The following ANKRD11 variants were observed in gnomAD, a reference collection of about 807,000 sequenced individuals.
ANKRD11 encodes ankyrin repeat domain 11.
In ANKRD11, 17 loss-of-function variants were observed where a neutral mutation model predicts 195.7. That is an observed-to-expected ratio of 0.09 (90% CI 0.06 to 0.13). ANKRD11 has a LOEUF of 0.13. Among genes scored for constraint, ANKRD11 ranks in the 10% least tolerant of loss-of-function variants. The pLI is 1.00. For synonymous variants in ANKRD11, 1,953 were observed against 1,528.1 expected (o/e 1.28, Z -6.49); for missense variants, 3,735 against 3,566.1 (o/e 1.05, Z -1.21).
At chr16:89,379,116 T>C (rs1350678393) in intron 2 of ANKRD11, among the ~76,000 whole-genome samples, 2 of 152,220 alleles carry the variant, frequency 1.3e-5, no homozygotes, top group Non-Finnish European at 2.9e-5. Flanking sequence ...CAGGAAGGCC[T>C]TTCTCACTGG....
At chr16:89,375,624 T>C (rs893526044) in intron 2 of ANKRD11, among the ~76,000 whole-genome samples, 3 of 152,014 alleles carry the variant, frequency 2.0e-5, no homozygotes, top group African/African-American at 7.2e-5. Context: ...CAGTTAATTT[T>C]TAAATTTTTA....
At chr16:89,481,547 AC>A (rs1283952728) in intron 1 of ANKRD11, among the ~76,000 whole-genome samples, 1 of 152,188 alleles carries the variant, frequency 6.6e-6, no homozygotes, top group Admixed American at 6.5e-5. Flanking sequence ...ACAGAGCAAG[AC>A]CTTGTCTCAA....
intron 1 of ANKRD11, among the ~76,000 whole-genome samples, chr16:89,440,247 C>T (rs138292898): frequency 2.0e-4 from 31 of 152,240 alleles, no homozygotes; most frequent in African/African-American, 6.5e-4. Flanking sequence ...AATATGTTCA[C>T]GTAAAATGTA....
chr16:89,269,694 C>G (rs2032966928), intron 12 of ANKRD11, among the ~76,000 whole-genome samples: 1 of 152,078 alleles, frequency 6.6e-6, no homozygotes. Context: ...ACCTCTGTCT[C>G]CCGGGTTCAA....
At chr16:89,489,321 G>C (rs1432859258) in intron 1 of ANKRD11, 2 of 152,192 alleles carry the variant, frequency 1.3e-5, no homozygotes, top group South Asian at 2.0e-4. Context: ...TAACATTTCA[G>C]GCAACGTCTC....
At chr16:89,326,390 C>T (rs182418704) in intron 2 of ANKRD11, among the ~76,000 whole-genome samples, 263 of 152,048 alleles carry the variant, frequency 1.7e-3, no homozygotes, top group Non-Finnish European at 1.3e-3. Context: ...CCCCCCCACC[C>T]CGCTGCAGAA....
intron 1 of ANKRD11, among the ~76,000 whole-genome samples, chr16:89,487,288 G>A (rs1424192840): frequency 6.6e-6 from 1 of 152,144 alleles, no homozygotes; most frequent in Non-Finnish European, 1.5e-5. Flanking sequence ...AGGATGAAGG[G>A]AGTTACACAG....
intron 1 of ANKRD11, among the ~76,000 whole-genome samples, chr16:89,469,687 A>G (rs2057005288): frequency 6.7e-6 from 1 of 148,366 alleles, no homozygotes; most frequent in Non-Finnish European, 1.5e-5. Context: ...TCACGAGGTC[A>G]GGAGATGGAG....
At chr16:89,443,247 G>C (rs1332398279) in intron 1 of ANKRD11, 3 of 152,090 alleles carry the variant, frequency 2.0e-5, no homozygotes, top group Non-Finnish European at 4.4e-5. Context: ...TTACAGGTGT[G>C]AGCCACCTCA....
chr16:89,427,083 G>A (rs955155755), intron 1 of ANKRD11, among the ~76,000 whole-genome samples: 4 of 152,178 alleles, frequency 2.6e-5, no homozygotes, highest in African/African-American at 9.7e-5. Context: ...CATGATACAA[G>A]ATCAATATAC....
rs140370885 is a variant in ANKRD11, at chr16:89,284,690, C to A, written c.1852G>T (p.Ala618Ser). ...KSPFLSSAEGAVPKLDKEGKV... is the reference protein window; with the variant it reads ...KSPFLSSAEGSVPKLDKEGKV... ...CCCTCCTTGTCCAGTTTGGGGACAGCGCCCTCCGCGCTGGACAGGAAGGGG... is the reference window on the plus strand; with the variant it reads ...CCCTCCTTGTCCAGTTTGGGGACAGAGCCCTCCGCGCTGGACAGGAAGGGG... The change falls in exon 9 of 13, where the codon GCT becomes TCT. Residue 618 changes from alanine (A) to serine (S), a missense_variant. Physicochemically the swap from Ala to Ser is moderately conservative, Grantham distance 99. Coordinates refer to ENST00000301030, the MANE Select transcript of ANKRD11 (RefSeq NM_013275.6). The A allele has an allele frequency of 6.2e-7, 1 of 1,613,952 alleles. No homozygotes were observed. The highest frequency in any genetic ancestry group is 2.2e-5 in the East Asian group (1 of 44,876).
chr16:89,487,125 T>A (rs2152382622), intron 1 of ANKRD11, among the ~76,000 whole-genome samples: 1 of 152,304 alleles, frequency 6.6e-6, no homozygotes, highest in Admixed American at 6.5e-5. Context: ...ATAAAGTTTA[T>A]CAAACGGGCC....
rs2056776936 is a variant in ANKRD11 at position 89,463,558 on chromosome 16, A to G, written c.-145+26687T>C. ...CGGAAGGCCGCAGGGTCCTCTGCCT[A>G]GGAAAACCAGAGACCTTTGTTCACT... On this transcript the variant is annotated intron_variant, in intron 1 of 12. Coordinates refer to ENST00000301030, the MANE Select transcript of ANKRD11 (RefSeq NM_013275.6). Among the ~76,000 whole-genome samples the G allele has an allele frequency of 2.0e-5, 3 of 152,148 alleles. No homozygotes were observed. In the South Asian group the frequency reaches 6.2e-4, roughly 32 times the overall value.
chr16:89,305,110 T>C lies in ANKRD11; in HGVS notation c.226+96A>G. ...TGCAGGGTGCTAGAGTGCGTCCCAG[T>C]GCAAAGCCGGAGGTGCGGGGGCCAG... On this transcript the variant is annotated intron_variant, in intron 4 of 12. Transcript: ENST00000301030. The C allele has an allele frequency of 2.6e-6, 4 of 1,542,172 alleles. No homozygotes were observed. In the Admixed American group the frequency reaches 7.2e-5, roughly 28 times the overall value.
intron 2 of ANKRD11, among the ~76,000 whole-genome samples, chr16:89,381,089 G>A (rs1049178496): frequency 1.2e-4 from 19 of 152,294 alleles, no homozygotes; most frequent in African/African-American, 2.6e-4. Context: ...TTGGGAGGCC[G>A]AGGCAGGTGG....
At chr16:89,460,322 G>C (rs1036816352) in intron 1 of ANKRD11, among the ~76,000 whole-genome samples, 2 of 151,942 alleles carry the variant, frequency 1.3e-5, no homozygotes, top group Non-Finnish European at 2.9e-5. Context: ...AAAATAATAA[G>C]TGTATCCTAT....
Position 89,285,494 on chromosome 16 carries a change from C to T in ANKRD11, c.1048G>A (p.Asp350Asn). ...TAPVKDEYEF[D>N]EDDEQDRVPP... ...ACCCTGTCCTGCTCGTCGTCCTCAT[C>T]AAACTCATACTCGTCCTTGACGGGG... Residue 350 changes from aspartate to asparagine, a missense_variant, in exon 9 of 13, where the codon GAT (aspartate) becomes AAT (asparagine). Asp to Asn is a conservative substitution (Grantham distance 23). Transcript: ENST00000301030. The surrounding 1 kb of genome is among the most constrained non-coding windows in gnomAD (Gnocchi z 5.6). The T allele has an allele frequency of 6.2e-7, 1 of 1,614,250 alleles. No homozygotes were observed.
chr16:89,333,687 A>T (rs956621348), intron 2 of ANKRD11, among the ~76,000 whole-genome samples: 1 of 152,154 alleles, frequency 6.6e-6, no homozygotes, highest in African/African-American at 2.4e-5. Context: ...GCCTTGTAAT[A>T]GTCTGTCGTC....
chr16:89,332,058 G>A (rs150025956), intron 2 of ANKRD11, among the ~76,000 whole-genome samples: 98 of 152,156 alleles, frequency 6.4e-4, no homozygotes, highest in African/African-American at 2.3e-3. Flanking sequence ...AGGCTGAGGT[G>A]GAAGGGATCA....
Sources: gnomAD v4.1 joint callset for allele counts (sites outside exome capture counted in the v4.1 genomes callset) on GRCh38, gnomAD v4.1.1 for gene constraint, Gnocchi (gnomAD v3.1) non-coding constraint, MANE v1.5 for transcripts, NCBI Gene and HGNC (gene_info 2026-07-23, HGNC 2026-07-21) for gene names.